The following TF variants were observed in gnomAD, a reference collection of about 807,000 sequenced individuals.
The protein encoded by TF is serotransferrin.
A neutral mutation model predicts 82.4 loss-of-function variants in TF; 55 were observed. The observed-to-expected ratio is 0.67, with a 90% confidence interval of 0.54 to 0.84. The LOEUF (loss-of-function observed/expected upper bound fraction) is 0.84. TF is among the 40% of genes least tolerant of loss of function. TF has a pLI of 0.00. For synonymous variants in TF, 332 were observed against 332.6 expected, an observed-to-expected ratio of 1.00 and a Z score of 0.02; for missense variants, 737 against 868.4, an observed-to-expected ratio of 0.85 and a Z score of 1.90.
chr3:133,705,148 G>A, the TF span, among the ~76,000 whole-genome samples: 1 of 152,112 alleles, frequency 6.6e-6, no homozygotes, highest in African/African-American at 2.4e-5. Context: ...GGCAGCAGGT[G>A]CCTGTAATCC....
At chr3:133,724,579 C>A in the TF span, among the ~76,000 whole-genome samples, 1 of 152,102 alleles carries the variant, frequency 6.6e-6, no homozygotes, top group Non-Finnish European at 1.5e-5. Context: ...GAGTCGGTTG[C>A]GAAAATTTTC....
chr3:133,677,393 C>T, the TF span, among the ~76,000 whole-genome samples: 1 of 152,126 alleles, frequency 6.6e-6, no homozygotes, highest in Non-Finnish European at 1.5e-5. Context: ...AATCCTCGCA[C>T]TTTGGGAAGC....
At chr3:133,673,172 C>T in the TF span, among the ~76,000 whole-genome samples, 4 of 152,070 alleles carry the variant, frequency 2.6e-5, no homozygotes, top group African/African-American at 7.2e-5. Flanking sequence ...CCTAAGTGCA[C>T]GAAAAGACAT....
Position 133,790,676 on chromosome 3 carries a change from T to C in TF, c.*12056T>C, listed in dbSNP as rs879870059. On this transcript the variant is annotated 3_prime_UTR_variant, in exon 17 of 17. Coordinates refer to ENST00000402696, the MANE Select transcript of TF (RefSeq NM_001063.4). Reference sequence around the variant, plus strand: ...GCAGTTTGGCAATTCCTTTTTACTATAGTTAAGCATGAAGCCGGATTTGGT... The same window carrying C: ...GCAGTTTGGCAATTCCTTTTTACTACAGTTAAGCATGAAGCCGGATTTGGT... 2 of 152,258 alleles carry C rather than the reference T, an allele frequency of 1.3e-5. No individual in the cohort carries two copies. The highest frequency in any genetic ancestry group is 2.9e-5 in the Non-Finnish European group (2 of 68,044). The allele number at this position is 152,258 out of a possible 1,614,324, so 9.4% of individuals were successfully genotyped here.
At chr3:133,683,176 C>A in the TF span, among the ~76,000 whole-genome samples, 2 of 152,160 alleles carry the variant, frequency 1.3e-5, no homozygotes, top group South Asian at 4.1e-4. Context: ...CAACATCAGG[C>A]CTGCCTTACA....
At position 133,793,769 on chromosome 3, in the gene TF, T is replaced by C. The variant is rs1475149310; in HGVS notation, c.*15149T>C. On this transcript the variant is annotated 3_prime_UTR_variant, in exon 17 of 17. Transcript: ENST00000402696. ...CACAAGCATGCAAAGTCCTAGAATA[T>C]GGTGTCTTTTAGGAGATTCATGAAA... 1 of 152,144 alleles carries C rather than the reference T, an allele frequency of 6.6e-6. No individual in the cohort carries two copies. Among genetic ancestry groups the C allele is most frequent in the African/African-American group, 2.4e-5 (1 of 41,450 alleles). 9.4% of individuals were successfully genotyped at this position (152,144 alleles called of 1,614,324 possible).
At chr3:133,714,286 G>A in the TF span, among the ~76,000 whole-genome samples, 1 of 152,194 alleles carries the variant, frequency 6.6e-6, no homozygotes, top group Non-Finnish European at 1.5e-5. Flanking sequence ...TGTGGGCAGT[G>A]CTGGACCTTT....
At chr3:133,726,118 C>CT in the TF span, among the ~76,000 whole-genome samples, 1 of 152,134 alleles carries the variant, frequency 6.6e-6, no homozygotes, top group African/African-American at 2.4e-5. Context: ...CTAAAATTCT[C>CT]TTTTTTGATT....
the TF span, among the ~76,000 whole-genome samples, chr3:133,695,874 G>A: frequency 6.6e-6 from 1 of 152,196 alleles, no homozygotes; most frequent in Non-Finnish European, 1.5e-5. Context: ...TAACTAACAG[G>A]TAGGTAACGT....
chr3:133,726,589 T>C, the TF span, among the ~76,000 whole-genome samples: 1 of 152,132 alleles, frequency 6.6e-6, no homozygotes, highest in Non-Finnish European at 1.5e-5. Flanking sequence ...TCAATTTTGT[T>C]GATCCTTTCA....
chr3:133,733,480 G>A, the TF span, among the ~76,000 whole-genome samples: 1 of 152,218 alleles, frequency 6.6e-6, no homozygotes, highest in Non-Finnish European at 1.5e-5. Context: ...CTTTACACAT[G>A]AGAGTTCCCA....
At chr3:133,737,301 G>A in the TF span, among the ~76,000 whole-genome samples, 1 of 152,156 alleles carries the variant, frequency 6.6e-6, no homozygotes, top group African/African-American at 2.4e-5. Flanking sequence ...GAATCTCTGG[G>A]ACACAGCTAA....
chr3:133,728,927 C>T, the TF span, among the ~76,000 whole-genome samples: 7 of 152,164 alleles, frequency 4.6e-5, no homozygotes, highest in African/African-American at 1.4e-4. Flanking sequence ...CACTCCAGAC[C>T]CTGTTCGCCT....
the TF span, among the ~76,000 whole-genome samples, chr3:133,692,103 C>A: frequency 6.6e-6 from 1 of 152,244 alleles, no homozygotes; most frequent in African/African-American, 2.4e-5. Flanking sequence ...TATCCAGAGT[C>A]CATTGCTCAC....
the TF span, chr3:133,704,425 G>T: frequency 3.1e-4 from 53 of 169,620 alleles, no homozygotes; most frequent in African/African-American, 1.2e-3. Context: ...AATAACTATT[G>T]TTGGAATGTA....
rs1449021364 is a variant in TF at position 133,751,121 on chromosome 3, T to C, written c.217-2474T>C. Reference sequence around the variant, plus strand: ...TGGTAAACACAAATGATGAAATATTTTTAGCCTTAAAAATAAATGAAACTC... The same window carrying C: ...TGGTAAACACAAATGATGAAATATTCTTAGCCTTAAAAATAAATGAAACTC... On this transcript the variant is annotated intron_variant, in intron 2 of 16. Transcript: ENST00000402696. Among the ~76,000 whole-genome samples the C allele has an allele frequency of 2.6e-5, 4 of 152,230 alleles. No individual in the cohort carries two copies. In the East Asian group the frequency reaches 7.7e-4, roughly 29 times the overall value.
chr3:133,681,217 C>A, the TF span, among the ~76,000 whole-genome samples: 1 of 152,302 alleles, frequency 6.6e-6, no homozygotes, highest in Non-Finnish European at 1.5e-5. Flanking sequence ...TGACTAGGAT[C>A]TGAGGTTCCA....
chr3:133,750,968 T>C (rs1457125284), intron 2 of TF, among the ~76,000 whole-genome samples: 1 of 152,140 alleles, frequency 6.6e-6, no homozygotes, highest in Non-Finnish European at 1.5e-5. Context: ...GTGTTTCATA[T>C]ATAAGGTCTA....
At chr3:133,662,673 G>A in the TF span, among the ~76,000 whole-genome samples, 10 of 4,978 alleles carry the variant, frequency 2.0e-3, no homozygotes, top group African/African-American at 5.3e-3. Context: ...GATAAGATGG[G>A]CCTGCAAACC....
Sources: gnomAD v4.1 joint callset for allele counts (sites outside exome capture counted in the v4.1 genomes callset) on GRCh38, gnomAD v4.1.1 for gene constraint, MANE v1.5 for transcripts, NCBI Gene and HGNC (gene_info 2026-07-23, HGNC 2026-07-21) for gene names.